Variants in AP2A2 observed in about 807,000 individuals in gnomAD.
AP2A2 encodes adaptor related protein complex 2 subunit alpha 2.
In AP2A2, 32 loss-of-function variants were observed where a neutral mutation model predicts 104.2. The ratio of observed to expected loss-of-function variants is 0.31; its 90% confidence interval spans 0.23 to 0.41. The LOEUF (loss-of-function observed/expected upper bound fraction) is 0.41. Ranked by LOEUF, AP2A2 falls within the 10% of genes least tolerant of loss-of-function variation. The probability of loss-of-function intolerance (pLI) is 1.00; values close to 1 mark genes in which losing one functional copy is unlikely to be tolerated. For synonymous variants in AP2A2, 539 were observed against 533.3 expected, an observed-to-expected ratio of 1.01 and a Z score of -0.15; for missense variants, 912 against 1,261.0, an observed-to-expected ratio of 0.72 and a Z score of 4.19.
rs373474851 is a variant in AP2A2, at chr11:993,718, C to T, written c.1551-36C>T. The T allele has an allele frequency of 4.5e-5, 68 of 1,508,006 alleles. No individual in the cohort carries two copies. The highest frequency in any genetic ancestry group is 2.6e-4 in the African/African-American group (19 of 72,432). The allele number at this position is 1,508,006 out of a possible 1,614,324, so 93.4% of individuals were successfully genotyped here. On this transcript the variant is annotated intron_variant, in intron 12 of 21. Coordinates refer to ENST00000448903, the MANE Select transcript of AP2A2 (RefSeq NM_012305.4). This position sits in a 1 kb window ranked among gnomAD's most constrained non-coding sequence, Gnocchi z 8.2. ...GGGCGTGCTGCAGCCTGCGAGGGGA[C>T]GACGGTGTCCCTGTGTTGTGCCTCC... is the stretch of plus-strand genomic sequence containing the variant.
intron 1 of AP2A2, among the ~76,000 whole-genome samples, chr11:944,545 G>T (rs906063244): frequency 6.6e-6 from 1 of 152,148 alleles, no homozygotes; most frequent in Non-Finnish European, 1.5e-5. Context: ...GATAGAGATC[G>T]AAAATAAACA....
chr11:938,605 G>A (rs917359057), intron 1 of AP2A2, among the ~76,000 whole-genome samples: 4 of 151,812 alleles, frequency 2.6e-5, no homozygotes, highest in African/African-American at 9.7e-5. Flanking sequence ...CTCTCGAGTA[G>A]CTGGGACTAC....
chr11:970,748 G>C (rs960458242), intron 3 of AP2A2, among the ~76,000 whole-genome samples: 1 of 152,256 alleles, frequency 6.6e-6, no homozygotes, highest in Admixed American at 6.5e-5. Context: ...CTGACACAGT[G>C]CCTTGTTGAC....
rs144359591 is a variant in AP2A2, at chr11:958,059, C to A, written c.68-1378C>A. Among the ~76,000 whole-genome samples, 915 of 152,298 alleles carry A rather than the reference C, an allele frequency of 6.0e-3. 5 individuals carry two copies. The highest frequency in any genetic ancestry group is 8.6e-3 in the Non-Finnish European group (583 of 68,032). On this transcript the variant is annotated intron_variant, in intron 1 of 21. Transcript: ENST00000448903. ...CAGTTCATATGCTGAAGCCCCAACCCCAGTGTGACTGGATTTGGAGACAGG... is the reference window on the plus strand; with the variant it reads ...CAGTTCATATGCTGAAGCCCCAACCACAGTGTGACTGGATTTGGAGACAGG...
intron 1 of AP2A2, among the ~76,000 whole-genome samples, chr11:937,780 A>G (rs1050289803): frequency 6.6e-6 from 1 of 152,252 alleles, no homozygotes; most frequent in Non-Finnish European, 1.5e-5. Flanking sequence ...TGTTGCTTTC[A>G]TGCCATTGTA....
intron 15 of AP2A2, among the ~76,000 whole-genome samples, chr11:1,000,935 G>A (rs184920112): frequency 1.8e-3 from 269 of 152,288 alleles, no homozygotes; most frequent in African/African-American, 6.1e-3. Flanking sequence ...ACTCTTTGTA[G>A]CTACACGTCT....
chr11:986,339 CTGT>C (rs1415608021), intron 8 of AP2A2, among the ~76,000 whole-genome samples: 2 of 152,230 alleles, frequency 1.3e-5, no homozygotes, highest in Non-Finnish European at 2.9e-5. Context: ...GGAGAAAGCT[CTGT>C]TGTTATGTGA....
Position 977,192 on chromosome 11 carries a change from C to T in AP2A2, c.571C>T (p.Arg191Ter). The change falls in exon 5 of 22, where the codon CGA becomes TGA. Residue 191 changes from arginine to a stop codon, truncating the protein, a stop_gained. Transcript: ENST00000448903. LOFTEE classifies it high-confidence loss of function. ...TGTCCCCATGGGCGACTGGACATCC[C>T]GAGTGGTGCACCTGCTCAATGACCA... ...DLVPMGDWTS[R>*]VVHLLNDQHL... 4 of 1,610,140 alleles carry T rather than the reference C, an allele frequency of 2.5e-6. No homozygotes were observed. The highest frequency in any genetic ancestry group is 3.4e-6 in the Non-Finnish European group (4 of 1,177,514).
intron 1 of AP2A2, among the ~76,000 whole-genome samples, chr11:936,884 T>C (rs1265366515): frequency 6.6e-6 from 1 of 152,166 alleles, no homozygotes; most frequent in Admixed American, 6.5e-5. Flanking sequence ...GTGTCTTCTC[T>C]GAATGCTTCT....
At chr11:994,883 C>T (rs1370224017) in intron 14 of AP2A2, among the ~76,000 whole-genome samples, 1 of 132,190 alleles carries the variant, frequency 7.6e-6, no homozygotes. Flanking sequence ...TGGCCTGTCC[C>T]GGGGGCCACT....
At chr11:929,860 G>A (rs1231970361) in intron 1 of AP2A2, among the ~76,000 whole-genome samples, 4 of 152,024 alleles carry the variant, frequency 2.6e-5, no homozygotes, top group Non-Finnish European at 5.9e-5. Flanking sequence ...GGTGGCTCAC[G>A]CTTGTAATCC....
chr11:990,732 G>A (rs1855619124), intron 10 of AP2A2, among the ~76,000 whole-genome samples: 2 of 142,032 alleles, frequency 1.4e-5, no homozygotes, highest in Middle Eastern at 3.7e-3. Flanking sequence ...AGCTGGGCAT[G>A]GTGCTCCCCC....
In AP2A2 at chr11:926,047, G is replaced by C; in HGVS notation, c.26G>C (p.Gly9Ala). 7.2e-7 allele frequency: 1 copy of C among 1,388,926 alleles called. No individual in the cohort carries two copies. 86.0% of individuals were successfully genotyped at this position (1,388,926 alleles called of 1,614,324 possible). A position where few individuals can be genotyped will look rare whatever the true frequency, so the allele number is the denominator to read the frequency against. MPAVSKGD[G>A]MRGLAVFISD... The stretch of plus-strand genomic sequence containing the variant: ...ATGCCGGCCGTGTCCAAGGGGGACG[G>C]GATGCGGGGCCTGGCGGTCTTCATC... The change falls in exon 1 of 22, where the codon GGG becomes GCG. Residue 9 changes from glycine to alanine, a missense_variant. By Grantham distance (60) the Gly-to-Ala change is moderately conservative (BLOSUM62 0). This residue lies in a region of AP2A2 where 43 missense variants were observed against 47.0 expected (regional missense o/e 0.91). Transcript: ENST00000448903.
intron 21 of AP2A2, chr11:1,010,147 G>A: frequency 2.2e-6 from 1 of 465,066 alleles, no homozygotes; most frequent in Non-Finnish European, 3.9e-6. Flanking sequence ...CTGGGCGGTG[G>A]CTCTCCCAGC....
chr11:947,807 A>T (rs922321965), intron 1 of AP2A2, among the ~76,000 whole-genome samples: 3 of 152,110 alleles, frequency 2.0e-5, no homozygotes, highest in Admixed American at 1.3e-4. Flanking sequence ...TACAAAAAAA[A>T]ATTAGCCAGG....
chr11:930,096 G>T (rs1020653322), intron 1 of AP2A2, among the ~76,000 whole-genome samples: 1 of 148,612 alleles, frequency 6.7e-6, no homozygotes, highest in East Asian at 2.0e-4. Flanking sequence ...ACTCCAGCCT[G>T]GGTGACAGAG....
chr11:990,206 A>G (rs1478009038), intron 10 of AP2A2, among the ~76,000 whole-genome samples: 1 of 152,202 alleles, frequency 6.6e-6, no homozygotes, highest in Non-Finnish European at 1.5e-5. Context: ...CCTCCAGGAC[A>G]GTGGGCCTGG....
intron 15 of AP2A2, among the ~76,000 whole-genome samples, chr11:1,001,837 C>T (rs867767968): frequency 5.3e-5 from 8 of 152,194 alleles, no homozygotes; most frequent in South Asian, 2.1e-4. Context: ...TTGTGCACGC[C>T]TCACATTGGG....
intron 10 of AP2A2, among the ~76,000 whole-genome samples, chr11:990,862 A>G (rs1212522266): frequency 7.9e-6 from 1 of 126,230 alleles, no homozygotes; most frequent in Admixed American, 8.0e-5. Flanking sequence ...CCATCCTTTC[A>G]GCTGGGCATG....
Sources: allele counts gnomAD v4.1 joint callset (sites outside exome capture counted in the v4.1 genomes callset), GRCh38; gene constraint gnomAD v4.1.1; regional missense constraint gnomAD v4.1.1; non-coding constraint Gnocchi (gnomAD v3.1); transcripts MANE v1.5; gene names NCBI Gene and HGNC (gene_info 2026-07-23, HGNC 2026-07-21).